Variants in TG observed in about 807,000 individuals in gnomAD.
The protein encoded by TG is thyroglobulin.
Under a neutral mutation model 324.7 loss-of-function variants are expected in TG, and 270 were observed. That is an observed-to-expected ratio of 0.83 (90% CI 0.75 to 0.92). The LOEUF (loss-of-function observed/expected upper bound fraction) is 0.92, where lower values mean the gene tolerates loss of function less well. TG is among the 40% of genes least tolerant of loss of function. The pLI is 0.00. For synonymous variants in TG, 1,401 were observed against 1,327.0 expected (o/e 1.06, Z -1.21); for missense variants, 3,591 against 3,456.4 (o/e 1.04, Z -0.98).
At chr8:133,045,132 A>T (rs1839073860) in intron 41 of TG, 2 of 1,613,592 alleles carry the variant, frequency 1.2e-6, no homozygotes, top group African/African-American at 1.3e-5. Context: ...GAGGTGGAGG[A>T]TAAGTCAGTG....
intron 35 of TG, among the ~76,000 whole-genome samples, chr8:133,011,100 A>G (rs960389132): frequency 6.6e-6 from 1 of 152,194 alleles, no homozygotes; most frequent in African/African-American, 2.4e-5. Flanking sequence ...TGCTTGGGAT[A>G]TAGAAGGAAG....
At chr8:133,085,018 G>C (rs748283676) in intron 41 of TG, among the ~76,000 whole-genome samples, 1 of 152,214 alleles carries the variant, frequency 6.6e-6, no homozygotes, top group Non-Finnish European at 1.5e-5. Flanking sequence ...AGGCACAGTC[G>C]TGTCTCCCTG....
At position 132,901,267 on chromosome 8, in the gene TG, G is replaced by A. The variant is rs1207963853; in HGVS notation, c.3434-86G>A. 2.0e-6 allele frequency: 3 copies of A among 1,526,616 alleles called. No individual in the cohort carries two copies. The East Asian group carries it at 6.8e-5, about 34-fold the overall frequency. The allele number at this position is 1,526,616 out of a possible 1,614,324, so 94.6% of individuals were successfully genotyped here. A position where few individuals can be genotyped will look rare whatever the true frequency, so the allele number is the denominator to read the frequency against. ...CCTGCAGGCAGGTGGGCTGAGGGTG[G>A]CCGTGGGTGGTGAGGAGGGTGATTG... On this transcript the variant is annotated intron_variant, in intron 15 of 47. Coordinates refer to ENST00000220616, the MANE Select transcript of TG (RefSeq NM_003235.5).
At chr8:133,084,127 G>A (rs1327949856) in intron 41 of TG, among the ~76,000 whole-genome samples, 1 of 152,120 alleles carries the variant, frequency 6.6e-6, no homozygotes, top group Non-Finnish European at 1.5e-5. Context: ...TCAAGAGCTG[G>A]CCCATGGCAT....
intron 20 of TG, 59 bp from the exon 21 acceptor site, chr8:132,919,317 G>T: frequency 6.4e-7 from 1 of 1,565,112 alleles, no homozygotes; most frequent in Admixed American, 1.8e-5. Context: ...TGTGTTCTGG[G>T]ATTGTAACTG....
intron 45 of TG, among the ~76,000 whole-genome samples, chr8:133,126,796 A>AAAAAAAC (rs1851554647): frequency 1.3e-5 from 2 of 152,064 alleles, no homozygotes; most frequent in African/African-American, 4.8e-5. Flanking sequence ...AGCTTCTAAA[A>AAAAAAAC]AAAAAAACAA....
chr8:132,935,927 G>A, intron 25 of TG, 63 bp downstream of exon 25: 7 of 1,357,056 alleles, frequency 5.2e-6, no homozygotes, highest in Non-Finnish European at 7.3e-6. Flanking sequence ...GTTTGGAGCT[G>A]GTTTCCAGCA....
chr8:133,089,671 C>T (rs192165541), intron 41 of TG, among the ~76,000 whole-genome samples: 12 of 152,322 alleles, frequency 7.9e-5, no homozygotes, highest in Admixed American at 7.2e-4. Context: ...CATTTGTTCA[C>T]TCCCTCACTC....
chr8:132,979,154 G>A (rs529574665), intron 34 of TG, among the ~76,000 whole-genome samples: 3 of 152,232 alleles, frequency 2.0e-5, no homozygotes, highest in East Asian at 1.9e-4. Flanking sequence ...GGGGTGGTGC[G>A]TGGAATAAGG....
intron 7 of TG, 24 bp from the exon 8 acceptor site, chr8:132,882,790 C>G (rs756305162): frequency 2.1e-5 from 34 of 1,614,154 alleles, no homozygotes; most frequent in Non-Finnish European, 2.7e-5. Flanking sequence ...ACACTGTCTT[C>G]TTTACTGTGT....
chr8:132,992,540 C>A (rs1236522875), intron 35 of TG, among the ~76,000 whole-genome samples: 2 of 152,194 alleles, frequency 1.3e-5, no homozygotes, highest in African/African-American at 4.8e-5. Context: ...GGAGAGCCTG[C>A]ACAGTGTTTC....
chr8:132,923,558 G>C (rs1210453533), intron 22 of TG, 50 bp downstream of exon 22: 1 of 1,585,534 alleles, frequency 6.3e-7, no homozygotes, highest in South Asian at 1.1e-5. Flanking sequence ...CTGGGGAGTA[G>C]TCTCAAGGGC....
chr8:133,112,686 T>TC (rs1850359748), intron 43 of TG, among the ~76,000 whole-genome samples: 1 of 152,120 alleles, frequency 6.6e-6, no homozygotes, highest in East Asian at 1.9e-4. Context: ...TGGACACACA[T>TC]CCCCCAGAGA....
chr8:133,092,284 A>C (rs984711418), intron 41 of TG, among the ~76,000 whole-genome samples: 1 of 152,212 alleles, frequency 6.6e-6, no homozygotes, highest in Non-Finnish European at 1.5e-5. Flanking sequence ...AGGTCAAGGC[A>C]CCTTACCATG....
At chr8:132,971,670 T>C in intron 32 of TG, 124 bp from the exon 33 acceptor site, 1 of 730,702 alleles carries the variant, frequency 1.4e-6, no homozygotes, top group South Asian at 1.5e-5. Context: ...GCACCCCCAG[T>C]TTAAGTAGGG....
chr8:133,107,937 G>A (rs909740798), intron 43 of TG, among the ~76,000 whole-genome samples: 3 of 150,736 alleles, frequency 2.0e-5, no homozygotes, highest in African/African-American at 7.3e-5. Flanking sequence ...CCATGAAGGA[G>A]GCTCCATCCA....
intron 41 of TG, among the ~76,000 whole-genome samples, chr8:133,032,833 C>A (rs1293769174): frequency 6.6e-6 from 1 of 152,184 alleles, no homozygotes; most frequent in East Asian, 1.9e-4. Flanking sequence ...TTTGAGACCA[C>A]AAAGCACTTT....
intron 35 of TG, among the ~76,000 whole-genome samples, chr8:132,991,034 G>T (rs1832265841): frequency 7.0e-6 from 1 of 143,050 alleles, no homozygotes; most frequent in Non-Finnish European, 1.5e-5. Flanking sequence ...CTCGGTGGAG[G>T]CCTCAGATGG....
intron 37 of TG, among the ~76,000 whole-genome samples, chr8:133,015,674 C>T (rs754084765): frequency 6.6e-6 from 1 of 152,164 alleles, no homozygotes; most frequent in Admixed American, 6.5e-5. Context: ...GTGGCTGTTT[C>T]CTGCATAGCA....
Sources: gnomAD v4.1 joint callset for allele counts (sites outside exome capture counted in the v4.1 genomes callset) on GRCh38, gnomAD v4.1.1 for gene constraint, MANE v1.5 for transcripts, NCBI Gene and HGNC (gene_info 2026-07-23, HGNC 2026-07-21) for gene names.